USH2A: variants seen among roughly 807,000 people sequenced by gnomAD.
USH2A encodes Usher syndrome 2A (autosomal recessive, mild).
In USH2A, 443 loss-of-function variants were observed where a neutral mutation model predicts 538.9. The observed-to-expected ratio is 0.82, with a 90% CI of 0.76 to 0.89. The LOEUF is 0.89. Ranked by LOEUF, USH2A falls within the 40% of genes least tolerant of loss-of-function variation. The pLI is 0.00. For missense variants in USH2A, 6,633 were observed against 6,324.8 expected, an observed-to-expected ratio of 1.05 and a Z score of -1.65; for synonymous variants, 2,413 against 2,273.5, an observed-to-expected ratio of 1.06 and a Z score of -1.75.
chr1:216,233,193 C>G (rs2035735514), intron 13 of USH2A, among the ~76,000 whole-genome samples: 1 of 152,128 alleles, frequency 6.6e-6, no homozygotes, highest in African/African-American at 2.4e-5. Context: ...ACGTCTCTAG[C>G]TTTAGCTCAT....
intron 8 of USH2A, 30 bp downstream of exon 8, chr1:216,323,444 C>G (rs1362862247): frequency 6.2e-7 from 1 of 1,609,660 alleles, no homozygotes; most frequent in Admixed American, 1.7e-5. Context: ...ATGACAAAAA[C>G]CTTGTTGAAA....
intron 38 of USH2A, among the ~76,000 whole-genome samples, chr1:215,925,960 G>A (rs1359676966): frequency 6.6e-6 from 1 of 152,074 alleles, no homozygotes. Flanking sequence ...AAGGCATAGA[G>A]TGAGCTGAGA....
At chr1:216,157,237 T>C (rs1350694519) in intron 21 of USH2A, among the ~76,000 whole-genome samples, 1 of 152,104 alleles carries the variant, frequency 6.6e-6, no homozygotes, top group Admixed American at 6.5e-5. Context: ...GCAGCATCAA[T>C]AATTGTCAGA....
intron 37 of USH2A, among the ~76,000 whole-genome samples, chr1:215,947,803 C>T (rs1666795190): frequency 1.3e-5 from 2 of 152,134 alleles, no homozygotes; most frequent in South Asian, 4.1e-4. Context: ...ATACATTTTA[C>T]TATTTACAAT....
At chr1:215,816,663 C>T (rs1662864313) in intron 48 of USH2A, among the ~76,000 whole-genome samples, 1 of 152,142 alleles carries the variant, frequency 6.6e-6, no homozygotes, top group Non-Finnish European at 1.5e-5. Context: ...GTCCTCCTCA[C>T]AGTTACTCAT....
Position 215,728,513 on chromosome 1 carries a change from A to T in USH2A, c.11712-129T>A. On this transcript the variant is annotated intron_variant, in intron 60 of 71. Coordinates refer to ENST00000307340, the MANE Select transcript of USH2A (RefSeq NM_206933.4). ...TTTTCAGCTGTTTCTTCCTGGTGTC[A>T]TAGTAAAGAAAAACCAGATGGAGAA... is the stretch of plus-strand genomic sequence containing the variant. The T allele has an allele frequency of 1.1e-5, 10 of 922,822 alleles. No homozygotes were observed. In the South Asian group the frequency reaches 1.5e-4, roughly 14 times the overall value. 57.2% of individuals were successfully genotyped at this position (922,822 alleles called of 1,614,324 possible).
At chr1:215,686,227 T>C (rs955061854) in intron 61 of USH2A, among the ~76,000 whole-genome samples, 8 of 152,118 alleles carry the variant, frequency 5.3e-5, no homozygotes, top group Non-Finnish European at 7.4e-5. Context: ...AGCAAATCAA[T>C]AATGTATATA....
chr1:216,104,093 T>TTA, intron 21 of USH2A, among the ~76,000 whole-genome samples: 1 of 152,226 alleles, frequency 6.6e-6, no homozygotes, highest in Admixed American at 6.5e-5. Flanking sequence ...ATACTTTAAG[T>TTA]TTTAGGGTAC....
intron 46 of USH2A, among the ~76,000 whole-genome samples, chr1:215,842,949 A>G (rs534541745): frequency 6.6e-6 from 1 of 152,306 alleles, no homozygotes; most frequent in East Asian, 1.9e-4. Flanking sequence ...CATGTCCTGA[A>G]CACGTATACA....
Position 216,136,913 on chromosome 1 carries a change from T to C in USH2A, c.4627+38339A>G, listed in dbSNP as rs188769572. Among the ~76,000 whole-genome samples the C allele has an allele frequency of 3.3e-3, 495 of 152,268 alleles. 4 individuals carry two copies. The highest frequency in any genetic ancestry group is 0.012 in the African/African-American group (481 of 41,556). The stretch of plus-strand genomic sequence containing the variant: ...AAGATATCAATCCTGCTGATATCTT[T>C]TTCTCGAACTTCTAGCCTTCAGAAT... On this transcript the variant is annotated intron_variant, in intron 21 of 71. Transcript: ENST00000307340.
At position 216,135,961 on chromosome 1, in the gene USH2A, T is replaced by C. The variant is rs150427694; in HGVS notation, c.4628-38748A>G. Among the ~76,000 whole-genome samples, 761 of 152,210 alleles carry C rather than the reference T, an allele frequency of 5.0e-3. 3 individuals carry two copies. The highest frequency in any genetic ancestry group is 8.1e-3 in the Non-Finnish European group (550 of 67,986). ...CATTAAAAGTATATATATATATATG[T>C]ATGAAGTCTACCATCTTAAGTATTT... is the stretch of plus-strand genomic sequence containing the variant. On this transcript the variant is annotated intron_variant, in intron 21 of 71. Coordinates refer to ENST00000307340, the MANE Select transcript of USH2A (RefSeq NM_206933.4).
intron 22 of USH2A, among the ~76,000 whole-genome samples, chr1:216,094,106 A>G (rs1163284786): frequency 2.6e-5 from 4 of 152,118 alleles, no homozygotes; most frequent in African/African-American, 9.7e-5. Context: ...AGATACTAAC[A>G]GGTTGAAGGG....
chr1:216,008,217 C>G (rs952720472), intron 32 of USH2A, among the ~76,000 whole-genome samples: 4 of 152,038 alleles, frequency 2.6e-5, no homozygotes, highest in African/African-American at 9.7e-5. Context: ...TGGCCGGTTC[C>G]TGCCTTAACT....
intron 12 of USH2A, among the ~76,000 whole-genome samples, chr1:216,249,884 G>C (rs1394848725): frequency 6.6e-6 from 1 of 152,112 alleles, no homozygotes; most frequent in African/African-American, 2.4e-5. Flanking sequence ...GTGTGAGAGA[G>C]AGAGAGAGAG....
At chr1:215,808,112 AACTTATGCTTT>A (rs1662554620) in intron 49 of USH2A, among the ~76,000 whole-genome samples, 1 of 152,110 alleles carries the variant, frequency 6.6e-6, no homozygotes, top group Admixed American at 6.6e-5. Context: ...CACTACACAA[AACTTATGCTTT>A]CATAAGAATG....
chr1:215,702,609 C>G (rs1197550061), intron 61 of USH2A, among the ~76,000 whole-genome samples: 1 of 151,618 alleles, frequency 6.6e-6, no homozygotes. Flanking sequence ...ATTGATTTGG[C>G]TATTGATACT....
At chr1:216,334,171 T>C (rs1553251472) in intron 4 of USH2A, among the ~76,000 whole-genome samples, 2 of 152,030 alleles carry the variant, frequency 1.3e-5, no homozygotes, top group Non-Finnish European at 1.5e-5. Flanking sequence ...GCATCCAATG[T>C]AAAAAATCTC....
intron 9 of USH2A, among the ~76,000 whole-genome samples, chr1:216,303,098 C>T (rs528293692): frequency 5.7e-4 from 86 of 151,972 alleles, no homozygotes; most frequent in African/African-American, 2.0e-3. Flanking sequence ...CCTTCTTCCT[C>T]TTATTTATGG....
chr1:216,075,524 A>G (rs955658241), intron 27 of USH2A, among the ~76,000 whole-genome samples: 2 of 152,204 alleles, frequency 1.3e-5, no homozygotes, highest in African/African-American at 4.8e-5. Flanking sequence ...CCAGAGCTCT[A>G]AGATGACTAA....
Sources: allele counts gnomAD v4.1 joint callset (sites outside exome capture counted in the v4.1 genomes callset), GRCh38; gene constraint gnomAD v4.1.1; transcripts MANE v1.5; gene names NCBI Gene and HGNC (gene_info 2026-07-23, HGNC 2026-07-21).